Variants in ROBO2 observed in about 807,000 individuals in gnomAD.
ROBO2 encodes roundabout homolog 2.
ROBO2 carries 53 observed loss-of-function variants against 160.8 expected under a neutral mutation model. That is an observed-to-expected ratio of 0.33 (90% CI 0.26 to 0.41). ROBO2 has a LOEUF of 0.41. ROBO2 is among the 10% of genes least tolerant of loss of function. The pLI, the probability that ROBO2 is intolerant of heterozygous loss-of-function variation, is 1.00. For missense variants in ROBO2, 1,577 were observed against 1,722.4 expected (o/e 0.92, Z 1.49); for synonymous variants, 664 against 611.7 (o/e 1.09, Z -1.26).
chr3:76,348,273 A>T (rs2074657078), intron 2 of ROBO2, among the ~76,000 whole-genome samples: 1 of 152,114 alleles, frequency 6.6e-6, no homozygotes, highest in African/African-American at 2.4e-5. Context: ...TCTTCTGGGG[A>T]GGCAAGTAAT....
chr3:77,251,145 GC>G (rs1448569798), intron 2 of ROBO2, among the ~76,000 whole-genome samples: 3 of 152,042 alleles, frequency 2.0e-5, no homozygotes, highest in African/African-American at 7.2e-5. Flanking sequence ...CACCCCTGTG[GC>G]AAGTCTCTGC....
chr3:75,917,553 G>A (rs1191279555), intron 1 of ROBO2, among the ~76,000 whole-genome samples: 4 of 152,212 alleles, frequency 2.6e-5, no homozygotes, highest in Non-Finnish European at 5.9e-5. Context: ...TAGATACCCA[G>A]TAATGGGATT....
intron 5 of ROBO2, among the ~76,000 whole-genome samples, chr3:77,515,211 T>C (rs1165210915): frequency 6.6e-6 from 1 of 151,730 alleles, no homozygotes; most frequent in Non-Finnish European, 1.5e-5. Context: ...TTCATAAAGG[T>C]ATCATAATTT....
intron 2 of ROBO2, among the ~76,000 whole-genome samples, chr3:76,395,106 T>C (rs57214425): frequency 0.051 from 7,666 of 151,796 alleles, 484 homozygotes; most frequent in African/African-American, 0.15. Context: ...TGTAAAAGAA[T>C]AGAAATTATA....
chr3:76,853,823 T>A (rs978242957), intron 2 of ROBO2, among the ~76,000 whole-genome samples: 5 of 152,146 alleles, frequency 3.3e-5, no homozygotes, highest in African/African-American at 1.2e-4. Flanking sequence ...TTATTTGTGA[T>A]TAAAATTTTA....
intron 2 of ROBO2, among the ~76,000 whole-genome samples, chr3:76,654,055 C>A (rs187703552): frequency 3.5e-4 from 53 of 152,230 alleles, no homozygotes; most frequent in Admixed American, 3.5e-3. Context: ...CATTTATCAG[C>A]CATATTCAGG....
At chr3:76,449,445 T>C (rs2077363163) in intron 2 of ROBO2, among the ~76,000 whole-genome samples, 1 of 152,126 alleles carries the variant, frequency 6.6e-6, no homozygotes, top group African/African-American at 2.4e-5. Context: ...AAATATTTCA[T>C]GCCTGAAATT....
chr3:77,417,117 A>G (rs1312869815), intron 2 of ROBO2, among the ~76,000 whole-genome samples: 1 of 152,184 alleles, frequency 6.6e-6, no homozygotes, highest in East Asian at 1.9e-4. Flanking sequence ...GAAAACTAGC[A>G]ATATTTAGGT....
rs140464322 is a variant in ROBO2 at position 77,250,820 on chromosome 3, A to G, written c.388+152480A>G. Among the ~76,000 whole-genome samples the G allele has an allele frequency of 2.6e-3, 390 of 152,062 alleles. 3 individuals are homozygous for G. Among genetic ancestry groups the G allele is most frequent in the African/African-American group, 8.5e-3 (353 of 41,498 alleles). ...GAACTCATCTTTTTATCAGGAACTG[A>G]CTCCCACTATAACTAAGTCACTCCA... On this transcript the variant is annotated intron_variant, in intron 2 of 25. Transcript: ENST00000461745.
At chr3:77,126,643 A>T (rs1157736885) in intron 2 of ROBO2, among the ~76,000 whole-genome samples, 2 of 152,038 alleles carry the variant, frequency 1.3e-5, no homozygotes, top group African/African-American at 4.8e-5. Context: ...TACCCAAGGG[A>T]ACTCTATCAA....
At chr3:77,328,061 TCAAA>T (rs781698944) in intron 2 of ROBO2, among the ~76,000 whole-genome samples, 1 of 17,096 alleles carries the variant, frequency 5.8e-5, no homozygotes. Context: ...AGACCGTATC[TCAAA>T]AAAAAAAAAA....
chr3:77,547,224 A>T (rs901752223), intron 7 of ROBO2, among the ~76,000 whole-genome samples: 1 of 152,086 alleles, frequency 6.6e-6, no homozygotes, highest in South Asian at 2.1e-4. Context: ...AATGAGTGAA[A>T]TTTCCAGGTA....
chr3:76,579,528 C>T (rs891105428), intron 2 of ROBO2, among the ~76,000 whole-genome samples: 3 of 151,850 alleles, frequency 2.0e-5, no homozygotes, highest in Non-Finnish European at 2.9e-5. Flanking sequence ...ACTAATTCTA[C>T]AGAAAAAAAC....
At chr3:77,129,644 C>T (rs1375148950) in intron 2 of ROBO2, among the ~76,000 whole-genome samples, 8 of 152,160 alleles carry the variant, frequency 5.3e-5, no homozygotes, top group Admixed American at 3.9e-4. Flanking sequence ...GGTTGTGCAA[C>T]GTGCGGTCGG....
intron 2 of ROBO2, among the ~76,000 whole-genome samples, chr3:77,331,354 T>C (rs955458226): frequency 1.3e-5 from 2 of 152,208 alleles, no homozygotes; most frequent in African/African-American, 4.8e-5. Context: ...AATGAGGAGA[T>C]GTGAAGCCTT....
intron 2 of ROBO2, among the ~76,000 whole-genome samples, chr3:77,401,400 CAG>C (rs796156025): frequency 1.4e-4 from 21 of 152,100 alleles, no homozygotes; most frequent in African/African-American, 4.6e-4. Flanking sequence ...AAGGCAGGGA[CAG>C]TGTATTTTTA....
chr3:76,499,310 C>T (rs1317890538), intron 2 of ROBO2, among the ~76,000 whole-genome samples: 2 of 152,154 alleles, frequency 1.3e-5, no homozygotes, highest in Non-Finnish European at 2.9e-5. Context: ...ATGGATGCTA[C>T]ATATGACTGT....
intron 2 of ROBO2, among the ~76,000 whole-genome samples, chr3:77,026,229 C>T (rs939065472): frequency 5.9e-5 from 9 of 152,156 alleles, no homozygotes; most frequent in East Asian, 3.9e-4. Flanking sequence ...TTGTGATATA[C>T]GTATCTGTAT....
At chr3:76,512,631 A>G (rs1021264082) in intron 2 of ROBO2, among the ~76,000 whole-genome samples, 4 of 152,184 alleles carry the variant, frequency 2.6e-5, no homozygotes, top group African/African-American at 9.7e-5. Context: ...CCCGGGTGGC[A>G]GAGGCAGTGG....
Sources: allele counts gnomAD v4.1 joint callset (sites outside exome capture counted in the v4.1 genomes callset), GRCh38; gene constraint gnomAD v4.1.1; transcripts MANE v1.5; gene names NCBI Gene and HGNC (gene_info 2026-07-23, HGNC 2026-07-21).